CASQ2: variants seen among roughly 807,000 people sequenced by gnomAD.
The protein encoded by CASQ2 is calsequestrin-2.
A neutral mutation model predicts 46.5 loss-of-function variants in CASQ2; 49 were observed. That is an observed-to-expected ratio of 1.05 (90% CI 0.84 to 1.34). CASQ2 has a LOEUF of 1.34. CASQ2 is among the 40% of genes most tolerant of loss of function. CASQ2 has a pLI of 0.00. For synonymous variants in CASQ2, 174 were observed against 168.5 expected (o/e 1.03, Z -0.25); for missense variants, 486 against 481.3 (o/e 1.01, Z -0.09).
intron 7 of CASQ2, among the ~76,000 whole-genome samples, chr1:115,723,004 T>C (rs71666761): frequency 1.3e-5 from 2 of 151,972 alleles, no homozygotes; most frequent in African/African-American, 4.8e-5. Flanking sequence ...GCCAAGATGG[T>C]GCCACTGTAC....
intron 1 of CASQ2, among the ~76,000 whole-genome samples, chr1:115,765,243 C>G (rs1649091823): frequency 6.6e-6 from 1 of 152,166 alleles, no homozygotes; most frequent in Admixed American, 6.5e-5. Flanking sequence ...AGCATCTATC[C>G]CAGGGCCCCA....
intron 7 of CASQ2, among the ~76,000 whole-genome samples, chr1:115,719,789 C>G (rs557785672): frequency 5.8e-4 from 88 of 152,242 alleles, no homozygotes; most frequent in African/African-American, 2.1e-3. Context: ...GCTGAGAACC[C>G]CCGGGGCTTC....
At chr1:115,726,955 C>T (rs1647614504) in intron 6 of CASQ2, 37 bp downstream of exon 6, 13 of 845,798 alleles carry the variant, frequency 1.5e-5, no homozygotes, top group Non-Finnish European at 2.1e-5. Context: ...ATTCCCCAGA[C>T]CCCAGGCCCC....
chr1:115,706,482 A>C (rs7536370), intron 8 of CASQ2, among the ~76,000 whole-genome samples: 60,088 of 151,912 alleles, frequency 0.4, 13,289 homozygotes, highest in African/African-American at 0.59. Flanking sequence ...CCCCACTCAG[A>C]TATGCCTGGG....
At chr1:115,716,059 T>C (rs146593695) in intron 8 of CASQ2, among the ~76,000 whole-genome samples, 2 of 152,346 alleles carry the variant, frequency 1.3e-5, no homozygotes, top group East Asian at 3.9e-4. Context: ...CCTATGAGTA[T>C]ACAAGAGACT....
intron 1 of CASQ2, among the ~76,000 whole-genome samples, chr1:115,764,059 C>A (rs1649046328): frequency 1.3e-5 from 2 of 150,546 alleles, no homozygotes; most frequent in African/African-American, 2.4e-5. Context: ...GTGTTGACAC[C>A]CCAATAGAAA....
At chr1:115,755,255 C>T (rs572253985) in intron 1 of CASQ2, among the ~76,000 whole-genome samples, 2 of 152,298 alleles carry the variant, frequency 1.3e-5, no homozygotes, top group African/African-American at 4.8e-5. Context: ...ATGCCCTTTA[C>T]CAATTTTTCT....
intron 4 of CASQ2, among the ~76,000 whole-genome samples, chr1:115,735,993 C>G (rs1238258597): frequency 6.6e-6 from 1 of 151,686 alleles, no homozygotes; most frequent in Non-Finnish European, 1.5e-5. Flanking sequence ...GAAACTCCAT[C>G]CTTACTAAAA....
intron 5 of CASQ2, among the ~76,000 whole-genome samples, chr1:115,731,600 C>A (rs533487963): frequency 6.6e-6 from 1 of 152,328 alleles, no homozygotes; most frequent in Non-Finnish European, 1.5e-5. Context: ...GTGCCAAAAA[C>A]CAGCTAGGCA....
At chr1:115,745,737 T>C (rs138102106) in intron 1 of CASQ2, among the ~76,000 whole-genome samples, 1 of 141,988 alleles carries the variant, frequency 7.0e-6, no homozygotes, top group African/African-American at 2.5e-5. Context: ...TCATGAAATA[T>C]TAATACTACT....
chr1:115,766,706 T>C (rs771067726), intron 1 of CASQ2, among the ~76,000 whole-genome samples: 3 of 152,214 alleles, frequency 2.0e-5, no homozygotes, highest in Middle Eastern at 3.4e-3. Context: ...TTAACTCCTG[T>C]GGTGAACTTT....
intron 1 of CASQ2, among the ~76,000 whole-genome samples, chr1:115,756,856 A>G (rs1648779969): frequency 6.6e-6 from 1 of 152,226 alleles, no homozygotes; most frequent in Non-Finnish European, 1.5e-5. Context: ...CTGAGGCAGA[A>G]GAATCGCTTG....
intron 7 of CASQ2, among the ~76,000 whole-genome samples, chr1:115,720,790 A>T (rs532031141): frequency 6.6e-5 from 10 of 152,294 alleles, no homozygotes; most frequent in African/African-American, 2.2e-4. Flanking sequence ...CGTCTACTTA[A>T]TCTGAGCTCT....
chr1:115,751,884 C>T (rs759858661), intron 1 of CASQ2, among the ~76,000 whole-genome samples: 4 of 152,176 alleles, frequency 2.6e-5, no homozygotes, highest in Non-Finnish European at 5.9e-5. Context: ...ACCTGTCTTT[C>T]CAGCCTCATC....
At chr1:115,720,906 C>A (rs1570810603) in intron 7 of CASQ2, among the ~76,000 whole-genome samples, 1 of 152,174 alleles carries the variant, frequency 6.6e-6, no homozygotes, top group African/African-American at 2.4e-5. Flanking sequence ...AAAAACCTTA[C>A]TCACTGAAGA....
chr1:115,729,487 G>A (rs537584886), intron 5 of CASQ2, among the ~76,000 whole-genome samples: 3 of 152,220 alleles, frequency 2.0e-5, no homozygotes, highest in Non-Finnish European at 4.4e-5. Context: ...ATTCCAGGAG[G>A]AGATCTGGTT....
chr1:115,756,636 G>T (rs17034489), intron 1 of CASQ2, among the ~76,000 whole-genome samples: 10,440 of 151,962 alleles, frequency 0.069, 1,218 homozygotes, highest in African/African-American at 0.24. Context: ...GGTATCTCAC[G>T]TCCCCGTTTT....
intron 8 of CASQ2, among the ~76,000 whole-genome samples, chr1:115,716,459 T>C (rs974861113): frequency 6.6e-6 from 1 of 152,212 alleles, no homozygotes; most frequent in Non-Finnish European, 1.5e-5. Context: ...ACATTTATCC[T>C]ATTTTCAGGT....
chr1:115,711,121 C>G (rs770628378), intron 8 of CASQ2, among the ~76,000 whole-genome samples: 28 of 152,212 alleles, frequency 1.8e-4, no homozygotes, highest in Non-Finnish European at 2.8e-4. Context: ...TGGCCCCACT[C>G]CTGGGGGAGC....
Sources: gnomAD v4.1 joint callset for allele counts (sites outside exome capture counted in the v4.1 genomes callset) on GRCh38, gnomAD v4.1.1 for gene constraint, MANE v1.5 for transcripts, NCBI Gene and HGNC (gene_info 2026-07-23, HGNC 2026-07-21) for gene names.